Variants in GRIP1 observed in about 807,000 individuals in gnomAD.
GRIP1 encodes glutamate receptor interacting protein 1.
GRIP1 carries 45 observed loss-of-function variants against 129.9 expected under a neutral mutation model. The observed-to-expected ratio is 0.35, with a 90% CI of 0.27 to 0.44. The LOEUF (loss-of-function observed/expected upper bound fraction) is 0.44, where lower values mean the gene tolerates loss of function less well. Ranked by LOEUF, GRIP1 falls within the 20% of genes least tolerant of loss-of-function variation. GRIP1 has a pLI of 1.00. For missense variants in GRIP1, 1,196 were observed against 1,396.8 expected (o/e 0.86, Z 2.29); for synonymous variants, 530 against 520.8 (o/e 1.02, Z -0.24).
At chr12:66,989,461 C>T (rs756953828) in intron 1 of GRIP1, among the ~76,000 whole-genome samples, 1 of 152,098 alleles carries the variant, frequency 6.6e-6, no homozygotes, top group African/African-American at 2.4e-5. Context: ...TAAGCAATTA[C>T]GGGGGCGTCT....
At chr12:66,447,362 G>A (rs1305652647) in intron 11 of GRIP1, among the ~76,000 whole-genome samples, 1 of 152,178 alleles carries the variant, frequency 6.6e-6, no homozygotes, top group African/African-American at 2.4e-5. Context: ...AAGTCACTAT[G>A]AATTCACAAT....
intron 1 of GRIP1, among the ~76,000 whole-genome samples, chr12:66,969,257 T>A (rs1201444702): frequency 6.6e-6 from 1 of 152,220 alleles, no homozygotes; most frequent in African/African-American, 2.4e-5. Flanking sequence ...TAGATGTCTG[T>A]CATTAATTTT....
At chr12:66,835,903 G>A (rs2039604469) in intron 1 of GRIP1, among the ~76,000 whole-genome samples, 1 of 152,072 alleles carries the variant, frequency 6.6e-6, no homozygotes, top group South Asian at 2.1e-4. Context: ...AGGTTCATCA[G>A]TTGTAACAAA....
chr12:66,786,358 G>T (rs993017735), intron 1 of GRIP1, among the ~76,000 whole-genome samples: 1 of 152,140 alleles, frequency 6.6e-6, no homozygotes, highest in Non-Finnish European at 1.5e-5. Flanking sequence ...ACAGAACTTT[G>T]TTGGTGGACA....
chr12:66,708,072 G>T (rs1812211040), intron 1 of GRIP1, among the ~76,000 whole-genome samples: 1 of 151,914 alleles, frequency 6.6e-6, no homozygotes, highest in African/African-American at 2.4e-5. Context: ...TAGTCTAAAA[G>T]GACATCTTTT....
At chr12:66,723,321 T>TC (rs2036151028) in intron 1 of GRIP1, among the ~76,000 whole-genome samples, 2 of 101,660 alleles carry the variant, frequency 2.0e-5, no homozygotes, top group African/African-American at 9.0e-5. Flanking sequence ...TTTTTTTTTT[T>TC]TTTTTTTTTG....
intron 1 of GRIP1, among the ~76,000 whole-genome samples, chr12:66,982,185 T>A (rs2042249680): frequency 6.6e-6 from 1 of 152,212 alleles, no homozygotes; most frequent in Non-Finnish European, 1.5e-5. Context: ...GTTATTTCTG[T>A]CTCCAAACTT....
chr12:67,041,088 AT>A (rs907833225), intron 1 of GRIP1, among the ~76,000 whole-genome samples: 4 of 151,946 alleles, frequency 2.6e-5, no homozygotes. Context: ...GGCCTGCCCT[AT>A]TGGATTTTTG....
At chr12:66,985,127 T>A (rs1260116396) in intron 1 of GRIP1, among the ~76,000 whole-genome samples, 2 of 152,160 alleles carry the variant, frequency 1.3e-5, no homozygotes, top group African/African-American at 4.8e-5. Flanking sequence ...CCAAGCAGCA[T>A]GCCTAAAGAA....
intron 1 of GRIP1, among the ~76,000 whole-genome samples, chr12:67,048,283 AACATAT>A (rs1222264841): frequency 1.3e-5 from 2 of 152,158 alleles, no homozygotes; most frequent in Admixed American, 6.6e-5. Flanking sequence ...TGCTTATAAC[AACATAT>A]ACATTGTAGA....
At chr12:66,730,701 CAAAAAAA>C (rs3051132) in intron 1 of GRIP1, among the ~76,000 whole-genome samples, 13 of 71,166 alleles carry the variant, frequency 1.8e-4, no homozygotes, top group African/African-American at 7.7e-4. Context: ...GGGTCATCTA[CAAAAAAA>C]AAAAAAAAAA....
intron 1 of GRIP1, among the ~76,000 whole-genome samples, chr12:66,734,616 GAACAAGATATTTTAAGATATTTTAAAATA>G: frequency 6.6e-6 from 1 of 152,064 alleles, no homozygotes; most frequent in Non-Finnish European, 1.5e-5. Context: ...GATTTGTGAG[GAACAAGATATTTTAAGATATTTTAAAATA>G]AACAAGATAT....
At chr12:66,769,968 G>C (rs1366585319) in intron 1 of GRIP1, among the ~76,000 whole-genome samples, 1 of 152,166 alleles carries the variant, frequency 6.6e-6, no homozygotes, top group African/African-American at 2.4e-5. Context: ...ACAACTGTTG[G>C]AGCTATTCAA....
intron 1 of GRIP1, among the ~76,000 whole-genome samples, chr12:67,025,558 T>C (rs1249576298): frequency 6.6e-6 from 1 of 152,218 alleles, no homozygotes; most frequent in Non-Finnish European, 1.5e-5. Context: ...ATAGAATAAA[T>C]AAACGTGCAT....
At chr12:67,065,130 G>A (rs1592535190) in intron 1 of GRIP1, 1 of 151,778 alleles carries the variant, frequency 6.6e-6, no homozygotes, top group Admixed American at 6.6e-5. Context: ...TTTTATAAAA[G>A]CTCTTTATTT....
rs1369597915 is a variant in GRIP1, at chr12:66,539,135, G to A, written c.361C>T (p.Leu121=). 1 of 1,614,090 alleles carries A rather than the reference G, an allele frequency of 6.2e-7. No individual in the cohort carries two copies. Residue 121 remains leucine (L), a synonymous_variant, in exon 4 of 25, where the codon CTG becomes TTG. Coordinates refer to ENST00000359742, the MANE Select transcript of GRIP1 (RefSeq NM_001366722.1). ...ACCACTCTTTCTCCCACATTCTTCAGCAAGCTGATGATCTCGTCATGGCGG... is the reference window on the plus strand; with the variant it reads ...ACCACTCTTTCTCCCACATTCTTCAACAAGCTGATGATCTCGTCATGGCGG... ...KFRHDEIISL[L]KNVGERVVLE...
At chr12:66,917,172 T>C (rs1051393710) in intron 1 of GRIP1, among the ~76,000 whole-genome samples, 2 of 152,236 alleles carry the variant, frequency 1.3e-5, no homozygotes, top group Non-Finnish European at 1.5e-5. Context: ...CTTCACTGCA[T>C]GTTGTAGCTA....
At chr12:66,536,907 A>T (rs1169138055) in intron 4 of GRIP1, among the ~76,000 whole-genome samples, 1 of 152,086 alleles carries the variant, frequency 6.6e-6, no homozygotes, top group Non-Finnish European at 1.5e-5. Context: ...GAAGAGCAAA[A>T]AGCTATCTCA....
intron 1 of GRIP1, among the ~76,000 whole-genome samples, chr12:67,006,308 TA>T (rs1262754782): frequency 6.6e-6 from 1 of 152,150 alleles, no homozygotes; most frequent in Admixed American, 6.6e-5. Flanking sequence ...CTCAAGCCTG[TA>T]ATACCAGCAC....
Sources: gnomAD v4.1 joint callset for allele counts (sites outside exome capture counted in the v4.1 genomes callset) on GRCh38, gnomAD v4.1.1 for gene constraint, MANE v1.5 for transcripts, NCBI Gene and HGNC (gene_info 2026-07-23, HGNC 2026-07-21) for gene names.